Variants in SOX6 observed in about 807,000 individuals in gnomAD.
The protein encoded by SOX6 is SRY-box transcription factor 6, also known as transcription factor SOX-6.
A neutral mutation model predicts 97.8 loss-of-function variants in SOX6; 11 were observed. The ratio of observed to expected loss-of-function variants is 0.11; its 90% CI spans 0.07 to 0.19. The LOEUF is 0.19. SOX6 is among the 10% of genes least tolerant of loss of function. SOX6 has a pLI of 1.00. For missense variants in SOX6, 810 were observed against 1,039.5 expected (o/e 0.78, Z 3.04); for synonymous variants, 360 against 371.4 (o/e 0.97, Z 0.35).
At chr11:16,242,907 T>C (rs1465896637) in intron 3 of SOX6, among the ~76,000 whole-genome samples, 1 of 151,964 alleles carries the variant, frequency 6.6e-6, no homozygotes, top group Non-Finnish European at 1.5e-5. Context: ...ATTAAGTTCC[T>C]ATTATTCTAT....
chr11:16,130,079 G>A (rs1004818031), intron 6 of SOX6, among the ~76,000 whole-genome samples: 3 of 151,726 alleles, frequency 2.0e-5, no homozygotes, highest in South Asian at 2.1e-4. Flanking sequence ...AAAGTGGCCA[G>A]AACTAATAGT....
At chr11:16,720,266 C>G (rs113139491) in intron 2 of SOX6, among the ~76,000 whole-genome samples, 139 of 146,310 alleles carry the variant, frequency 9.5e-4, no homozygotes, top group African/African-American at 3.1e-3. Context: ...CGGCACTATT[C>G]ACAATAGCAA....
intron 3 of SOX6, among the ~76,000 whole-genome samples, chr11:16,245,521 G>A (rs1345759511): frequency 1.3e-5 from 2 of 151,660 alleles, no homozygotes; most frequent in Non-Finnish European, 3.0e-5. Flanking sequence ...TAAAAGAGGT[G>A]TGTTAAAATC....
At chr11:16,384,483 G>A (rs1467582624) in intron 1 of SOX6, among the ~76,000 whole-genome samples, 1 of 151,786 alleles carries the variant, frequency 6.6e-6, no homozygotes, top group African/African-American at 2.4e-5. Context: ...TCATCTTAAA[G>A]ATACTATTTT....
In SOX6 at chr11:16,237,066, T is replaced by C. The variant is rs1256276768; in HGVS notation, c.446-2395A>G. Among the ~76,000 whole-genome samples the C allele has an allele frequency of 2.0e-5, 3 of 151,966 alleles. No individual in the cohort carries two copies. In the East Asian group the frequency reaches 5.8e-4, roughly 29 times the overall value. ...TATTTAATAGCAACCACTGATTGCC[T>C]TTATCTATAGGACAATGAAAGTTAG... On this transcript the variant is annotated intron_variant, in intron 3 of 15. Transcript: ENST00000683767.
chr11:16,663,332 T>C (rs2134020223), intron 3 of SOX6, among the ~76,000 whole-genome samples: 1 of 152,282 alleles, frequency 6.6e-6, no homozygotes, highest in African/African-American at 2.4e-5. Context: ...TATTTTTTTT[T>C]CTTATTTTTG....
intron 11 of SOX6, among the ~76,000 whole-genome samples, chr11:16,047,121 G>T (rs933139292): frequency 1.3e-5 from 2 of 152,222 alleles, no homozygotes; most frequent in Non-Finnish European, 2.9e-5. Flanking sequence ...ACCCATTATA[G>T]TTGCTGTGAT....
intron 7 of SOX6, among the ~76,000 whole-genome samples, chr11:16,101,286 G>A (rs908742400): frequency 2.0e-5 from 3 of 151,602 alleles, no homozygotes; most frequent in Non-Finnish European, 4.4e-5. Flanking sequence ...CCACACTGTA[G>A]TAAATGTTAG....
In SOX6 at chr11:15,976,178, C is replaced by T. The variant is rs529625005; in HGVS notation, c.2184-3066G>A. Reference sequence around the variant, plus strand: ...AACTGTTCGAGGTTGTACATAAATGCTAGAGTGAGAACTTATCCCTGTGAG... The same window carrying T: ...AACTGTTCGAGGTTGTACATAAATGTTAGAGTGAGAACTTATCCCTGTGAG... On this transcript the variant is annotated intron_variant, in intron 15 of 15. Transcript: ENST00000683767. Among the ~76,000 whole-genome samples the T allele has an allele frequency of 7.9e-5, 12 of 152,228 alleles. No individual in the cohort carries two copies. The South Asian group carries it at 2.3e-3, about 29-fold the overall frequency.
upstream of SOX6, among the ~76,000 whole-genome samples, chr11:16,476,786 C>T (rs1361429319): frequency 6.6e-6 from 1 of 152,132 alleles, no homozygotes. Context: ...ATGTGCCTGA[C>T]AGGAATACCT....
Position 16,195,685 on chromosome 11 carries a change from C to T in SOX6, c.536-8730G>A, listed in dbSNP as rs941476011. 4.8e-4 allele frequency among the ~76,000 whole-genome samples: 73 copies of T among 152,192 alleles called. 1 individual carries two copies. The highest frequency in any genetic ancestry group is 1.5e-3 in the African/African-American group (63 of 41,452). ...TTCTCTGTATGCTTATTCCCCAACCCTTCTCTTCCCAAATAGCATATGGCT... is the reference window on the plus strand; with the variant it reads ...TTCTCTGTATGCTTATTCCCCAACCTTTCTCTTCCCAAATAGCATATGGCT... On this transcript the variant is annotated intron_variant, in intron 4 of 15. Coordinates refer to ENST00000683767, the MANE Select transcript of SOX6 (RefSeq NM_001367873.1).
intron 4 of SOX6, among the ~76,000 whole-genome samples, chr11:16,509,534 C>T (rs1487330649): frequency 6.6e-6 from 1 of 151,740 alleles, no homozygotes; most frequent in African/African-American, 2.4e-5. Context: ...AAATATACTA[C>T]AAAATATTGT....
Position 15,989,222 on chromosome 11 carries a change from C to T in SOX6, c.1741G>A (p.Ala581Thr). The T allele has an allele frequency of 6.2e-7, 1 of 1,600,230 alleles. No individual in the cohort carries two copies. Among genetic ancestry groups the T allele is most frequent in the East Asian group, 2.2e-5 (1 of 44,556 alleles). Reference sequence around the variant, plus strand: ...AGTTTAGCTGCAGAGCCATTCATTGCTTTACTTCCTGTAATGTCAGGGCAG... The same window carrying T: ...AGTTTAGCTGCAGAGCCATTCATTGTTTTACTTCCTGTAATGTCAGGGCAG... ...TRPEDAEGSK[A>T]MNGSAAKLQQ... is the part of the protein sequence containing the mutation. Residue 581 changes from alanine to threonine, a missense_variant, in exon 14 of 16, where the codon GCA becomes ACA. Ala to Thr is a moderately conservative substitution (Grantham distance 58, BLOSUM62 0). Transcript: ENST00000683767.
At chr11:16,258,627 T>C (rs777479330) in intron 3 of SOX6, among the ~76,000 whole-genome samples, 39 of 151,946 alleles carry the variant, frequency 2.6e-4, no homozygotes, top group Non-Finnish European at 4.7e-4. Context: ...ACTGCAATAC[T>C]ACAATGGTGG....
At chr11:16,467,515 G>T (rs533550256) in intron 1 of SOX6, among the ~76,000 whole-genome samples, 2 of 152,082 alleles carry the variant, frequency 1.3e-5, no homozygotes, top group Non-Finnish European at 2.9e-5. Context: ...GGCCATTATC[G>T]TTGGCAAACT....
At chr11:16,137,018 A>G (rs1849984231) in intron 6 of SOX6, among the ~76,000 whole-genome samples, 1 of 152,250 alleles carries the variant, frequency 6.6e-6, no homozygotes, top group South Asian at 2.1e-4. Context: ...AGAAAAACTC[A>G]CAAATACTTA....
rs147503438 is a variant in SOX6, at chr11:16,142,274, G to A, written c.778-30351C>T. Among the ~76,000 whole-genome samples the A allele has an allele frequency of 7.6e-3, 1,154 of 152,292 alleles. 21 individuals carry two copies. The highest frequency in any genetic ancestry group is 0.026 in the African/African-American group (1,073 of 41,562). On this transcript the variant is annotated intron_variant, in intron 6 of 15. Transcript: ENST00000683767. ...AGTGGACCTCCAGCAAACTCCAACA[G>A]ATCTGCAGCTGAGGGTCCTGACTGT... is the stretch of plus-strand genomic sequence containing the variant.
At chr11:16,713,227 C>A (rs1273961283) in intron 3 of SOX6, among the ~76,000 whole-genome samples, 1 of 152,046 alleles carries the variant, frequency 6.6e-6, no homozygotes, top group African/African-American at 2.4e-5. Flanking sequence ...CAGAAAAAAA[C>A]ATTTTAACAA....
At chr11:16,691,420 G>T (rs962393634) in intron 3 of SOX6, among the ~76,000 whole-genome samples, 3 of 152,160 alleles carry the variant, frequency 2.0e-5, no homozygotes, top group Admixed American at 2.0e-4. Flanking sequence ...GCATCAAAGA[G>T]AAAGATTTTT....
Sources: gnomAD v4.1 joint callset for allele counts (sites outside exome capture counted in the v4.1 genomes callset) on GRCh38, gnomAD v4.1.1 for gene constraint, MANE v1.5 for transcripts, NCBI Gene and HGNC (gene_info 2026-07-23, HGNC 2026-07-21) for gene names.